Variants in KLHL1 observed in about 807,000 individuals in gnomAD.
KLHL1 encodes the protein kelch like family member 1.
KLHL1 carries 47 observed loss-of-function variants against 77.7 expected under a neutral mutation model. The observed-to-expected ratio is 0.60, with a 90% CI of 0.48 to 0.77. The LOEUF (loss-of-function observed/expected upper bound fraction) is 0.77, where lower values mean the gene tolerates loss of function less well. Among genes scored for constraint, KLHL1 ranks in the 30% least tolerant of loss-of-function variants. The pLI, the probability that KLHL1 is intolerant of heterozygous loss-of-function variation, is 0.00. For synonymous variants in KLHL1, 360 were observed against 325.2 expected, an observed-to-expected ratio of 1.11 and a Z score of -1.15; for missense variants, 925 against 910.8, an observed-to-expected ratio of 1.02 and a Z score of -0.20.
intron 7 of KLHL1, among the ~76,000 whole-genome samples, chr13:69,791,056 C>T (rs1008398103): frequency 1.3e-5 from 2 of 151,934 alleles, no homozygotes; most frequent in Non-Finnish European, 2.9e-5. Flanking sequence ...GAAACACACA[C>T]ACACACACAT....
chr13:69,862,574 G>A (rs2138155907), intron 5 of KLHL1, among the ~76,000 whole-genome samples: 1 of 152,214 alleles, frequency 6.6e-6, no homozygotes, highest in East Asian at 1.9e-4. Context: ...GAAGGTGAAA[G>A]TTTTATACCT....
chr13:69,879,189 G>T (rs1880885577), intron 5 of KLHL1, among the ~76,000 whole-genome samples: 1 of 152,040 alleles, frequency 6.6e-6, no homozygotes, highest in Admixed American at 6.5e-5. Flanking sequence ...ATGTACCCTA[G>T]AACTTAAAGT....
rs144503813 is a variant in KLHL1, at chr13:69,779,371, CCCTCCCCTCT to C, written c.1639+17357_1639+17366del. On this transcript the variant is annotated intron_variant, in intron 7 of 10. Coordinates refer to ENST00000377844, the MANE Select transcript of KLHL1 (RefSeq NM_020866.3). ...CTCCTCTTTTTTCCTTTCCTTCCTCCCCTCCCCTCTCCTCCCCTGTCCTCCCCTCTTCCCT... is the reference window on the plus strand; with the variant it reads ...CTCCTCTTTTTTCCTTTCCTTCCTCCCCTCCCCTGTCCTCCCCTCTTCCCT... 3.4e-4 allele frequency among the ~76,000 whole-genome samples: 51 copies of C among 150,540 alleles called. No homozygotes were observed. The East Asian group carries it at 7.0e-3, about 21-fold the overall frequency.
At chr13:70,038,541 G>GT (rs899487918) in intron 1 of KLHL1, among the ~76,000 whole-genome samples, 8 of 103,940 alleles carry the variant, frequency 7.7e-5, no homozygotes, top group African/African-American at 2.7e-4. Flanking sequence ...AAAGAGATTT[G>GT]TTTTTTTCAC....
At chr13:70,021,540 G>T (rs1296338583) in intron 1 of KLHL1, among the ~76,000 whole-genome samples, 1 of 152,036 alleles carries the variant, frequency 6.6e-6, no homozygotes, top group Admixed American at 6.6e-5. Context: ...AAGCATGATT[G>T]CTGAATCTCA....
chr13:69,715,347 G>T (rs1876069933), intron 9 of KLHL1, among the ~76,000 whole-genome samples: 1 of 152,002 alleles, frequency 6.6e-6, no homozygotes, highest in Admixed American at 6.6e-5. Flanking sequence ...CATGAGATCT[G>T]GTGGTTTTAT....
At chr13:69,813,365 C>T (rs540838233) in intron 6 of KLHL1, among the ~76,000 whole-genome samples, 11 of 151,776 alleles carry the variant, frequency 7.2e-5, no homozygotes, top group Admixed American at 3.3e-4. Context: ...AGGAGATACA[C>T]CTAATGTAAA....
At chr13:70,079,627 G>C (rs1248389800) in intron 1 of KLHL1, among the ~76,000 whole-genome samples, 1 of 152,098 alleles carries the variant, frequency 6.6e-6, no homozygotes, top group African/African-American at 2.4e-5. Context: ...TGAAGGAATA[G>C]CAATAATCAT....
chr13:69,805,206 C>A (rs1877565577), intron 6 of KLHL1, among the ~76,000 whole-genome samples: 2 of 151,724 alleles, frequency 1.3e-5, no homozygotes, highest in African/African-American at 4.8e-5. Context: ...CCAAAATATT[C>A]CATATCAATC....
intron 8 of KLHL1, among the ~76,000 whole-genome samples, chr13:69,738,642 A>G (rs2137926460): frequency 6.6e-6 from 1 of 152,206 alleles, no homozygotes; most frequent in Middle Eastern, 3.4e-3. Flanking sequence ...AGCAGAAGAA[A>G]GAATATCATA....
chr13:70,089,061 T>C (rs774960515), intron 1 of KLHL1, among the ~76,000 whole-genome samples: 5 of 152,190 alleles, frequency 3.3e-5, no homozygotes, highest in Non-Finnish European at 7.3e-5. Context: ...AACTATGGCA[T>C]TCTAGCCTAG....
chr13:70,056,276 A>G (rs900973899), intron 1 of KLHL1, among the ~76,000 whole-genome samples: 1 of 152,104 alleles, frequency 6.6e-6, no homozygotes, highest in Non-Finnish European at 1.5e-5. Context: ...GGTTCAATTC[A>G]GGAAGAGGAG....
At chr13:69,974,261 C>T (rs1390909623) in intron 2 of KLHL1, among the ~76,000 whole-genome samples, 1 of 150,592 alleles carries the variant, frequency 6.6e-6, no homozygotes. Context: ...TTAATATATT[C>T]TAAATATATT....
intron 3 of KLHL1, among the ~76,000 whole-genome samples, chr13:69,954,330 A>C (rs1883802205): frequency 6.6e-6 from 1 of 151,300 alleles, no homozygotes; most frequent in Non-Finnish European, 1.5e-5. Context: ...AGCCTAAGAA[A>C]ATATAGTGAA....
At chr13:70,023,688 T>C (rs1885858881) in intron 1 of KLHL1, among the ~76,000 whole-genome samples, 1 of 151,958 alleles carries the variant, frequency 6.6e-6, no homozygotes, top group Non-Finnish European at 1.5e-5. Flanking sequence ...GCTGAATCAA[T>C]CATGACAGTG....
chr13:69,886,794 C>T (rs1284839463), intron 4 of KLHL1, among the ~76,000 whole-genome samples: 1 of 152,088 alleles, frequency 6.6e-6, no homozygotes. Flanking sequence ...AGACTTATGT[C>T]TTACCATCTT....
At chr13:70,018,987 A>G (rs1441560) in intron 1 of KLHL1, among the ~76,000 whole-genome samples, 35,274 of 152,218 alleles carry the variant, frequency 0.23, 4,572 homozygotes, top group East Asian at 0.55. Context: ...TAGTAAGTCC[A>G]TGTAACATTT....
intron 3 of KLHL1, among the ~76,000 whole-genome samples, chr13:69,955,311 T>A (rs1035834546): frequency 6.6e-6 from 1 of 151,410 alleles, no homozygotes; most frequent in Non-Finnish European, 1.5e-5. Flanking sequence ...TGTTTGGCAG[T>A]AAGCAGAAGC....
chr13:69,857,856 T>A (rs868331299), intron 5 of KLHL1, among the ~76,000 whole-genome samples: 9 of 151,660 alleles, frequency 5.9e-5, no homozygotes, highest in East Asian at 3.9e-4. Context: ...TATAAAAATA[T>A]ATATATATAA....
Sources: gnomAD v4.1 joint callset for allele counts (sites outside exome capture counted in the v4.1 genomes callset) on GRCh38, gnomAD v4.1.1 for gene constraint, MANE v1.5 for transcripts, NCBI Gene and HGNC (gene_info 2026-07-23, HGNC 2026-07-21) for gene names.